Variants in RWDD4 observed in about 807,000 individuals in gnomAD.
RWDD4 encodes the protein RWD domain containing 4.
Under a neutral mutation model 30.0 loss-of-function variants are expected in RWDD4, and 16 were observed. The ratio of observed to expected loss-of-function variants is 0.53; its 90% CI spans 0.36 to 0.81. The LOEUF is 0.81. Among genes scored for constraint, RWDD4 ranks in the 30% least tolerant of loss-of-function variants. The pLI, the probability that RWDD4 is intolerant of heterozygous loss-of-function variation, is 0.00. For missense variants in RWDD4, 170 were observed against 223.9 expected (o/e 0.76, Z 1.54); for synonymous variants, 45 against 72.1 (o/e 0.62, Z 1.90).
At chr4:183,656,127 A>G (rs754134994) in intron 1 of RWDD4, 166 bp from the exon 2 acceptor site, 70 of 546,968 alleles carry the variant, frequency 1.3e-4, no homozygotes, top group Non-Finnish European at 1.9e-4. Flanking sequence ...TGACAATATT[A>G]CTACCAATGA....
intron 7 of RWDD4, among the ~76,000 whole-genome samples, chr4:183,645,416 A>G (rs1352885355): frequency 6.6e-6 from 1 of 152,148 alleles, no homozygotes; most frequent in African/African-American, 2.4e-5. Flanking sequence ...TTAAACAGAA[A>G]CAGAGCATTG....
intron 7 of RWDD4, among the ~76,000 whole-genome samples, chr4:183,642,776 T>TAA (rs1271607126): frequency 6.6e-6 from 1 of 151,814 alleles, no homozygotes; most frequent in East Asian, 2.0e-4. Flanking sequence ...GAAAATGGGT[T>TAA]GGCTGGGCGC....
intron 5 of RWDD4, 55 bp from the exon 6 acceptor site, chr4:183,646,592 ATAAT>A: frequency 6.7e-7 from 1 of 1,499,112 alleles, no homozygotes; most frequent in Non-Finnish European, 9.1e-7. Flanking sequence ...TAGTTTTATA[ATAAT>A]TAAGATTTTA....
At chr4:183,655,498 A>C (rs754085611) in intron 2 of RWDD4, among the ~76,000 whole-genome samples, 30 of 151,836 alleles carry the variant, frequency 2.0e-4, no homozygotes, top group African/African-American at 6.0e-4. Context: ...GTTGGCCAGG[A>C]TGGTCTCGAT....
In RWDD4 at chr4:183,651,047, C is replaced by T; in HGVS notation, c.300G>A (p.Leu100=). The T allele has an allele frequency of 6.2e-7, 1 of 1,613,568 alleles. No individual in the cohort carries two copies. The highest frequency in any genetic ancestry group is 8.5e-7 in the Non-Finnish European group (1 of 1,179,982). The change falls in exon 4 of 8, where the codon TTG becomes TTA. Residue 100 remains leucine (L), a synonymous_variant. Transcript: ENST00000326397. The part of the protein sequence containing the change: ...ANLGTAMTYT[L]FEYAKDNKEQ... ...CTTTATTGTCTTTGGCATATTCAAA[C>T]AATGTATAGGTCATAGCGGTTCCAA...
intron 2 of RWDD4, among the ~76,000 whole-genome samples, chr4:183,654,416 G>A (rs561019243): frequency 2.6e-5 from 4 of 152,288 alleles, no homozygotes; most frequent in Non-Finnish European, 2.9e-5. Context: ...AGACTATTCC[G>A]TGCAAGAACT....
chr4:183,643,414 T>C (rs1733903837), intron 7 of RWDD4, among the ~76,000 whole-genome samples: 2 of 13,862 alleles, frequency 1.4e-4, no homozygotes, highest in Non-Finnish European at 1.3e-4. Context: ...AGACTCTATC[T>C]CAAAAAAAAA....
At chr4:183,646,063 C>T (rs1226615386) in intron 7 of RWDD4, among the ~76,000 whole-genome samples, 1 of 152,068 alleles carries the variant, frequency 6.6e-6, no homozygotes, top group African/African-American at 2.4e-5. Flanking sequence ...GCCACCATGC[C>T]CAGCTCATTT....
At position 183,659,007 on chromosome 4, in the gene RWDD4, A is replaced by G; in HGVS notation, c.-55T>C. On this transcript the variant is annotated 5_prime_UTR_variant, in exon 1 of 8. Transcript: ENST00000326397. The stretch of plus-strand genomic sequence containing the variant: ...GACGGCGTTCGCAACAACGAAGAGA[A>G]AGCGAAGGCAGCGGCCCAGAGGCCG... The G allele has an allele frequency of 8.1e-7, 1 of 1,239,296 alleles. No homozygotes were observed. Among genetic ancestry groups the G allele is most frequent in the Non-Finnish European group, 1.0e-6 (1 of 985,736 alleles). 76.8% of individuals were successfully genotyped at this position (1,239,296 alleles called of 1,614,324 possible).
chr4:183,654,715 C>T (rs920309726), intron 2 of RWDD4, among the ~76,000 whole-genome samples: 12 of 152,184 alleles, frequency 7.9e-5, no homozygotes, highest in Admixed American at 2.0e-4. Context: ...CTTAGCTCCA[C>T]TGTTAACTTT....
intron 4 of RWDD4, among the ~76,000 whole-genome samples, chr4:183,650,335 G>A (rs1426593452): frequency 6.6e-6 from 1 of 152,110 alleles, no homozygotes; most frequent in Non-Finnish European, 1.5e-5. Context: ...GTCCTGTTGG[G>A]AATGTGAAAG....
chr4:183,645,933 C>T (rs1244442566), intron 7 of RWDD4, among the ~76,000 whole-genome samples: 1 of 152,078 alleles, frequency 6.6e-6, no homozygotes, highest in African/African-American at 2.4e-5. Flanking sequence ...GATGGAGTCT[C>T]ACTCTGTCGC....
At chr4:183,657,000 T>C (rs1734207346) in intron 1 of RWDD4, among the ~76,000 whole-genome samples, 1 of 152,130 alleles carries the variant, frequency 6.6e-6, no homozygotes, top group African/African-American at 2.4e-5. Flanking sequence ...CAATCCAGCC[T>C]GGGCTACAGA....
At chr4:183,654,806 A>T (rs892720306) in intron 2 of RWDD4, among the ~76,000 whole-genome samples, 1 of 152,124 alleles carries the variant, frequency 6.6e-6, no homozygotes, top group Non-Finnish European at 1.5e-5. Context: ...GAGAACAGAA[A>T]CTTATTTTCT....
At chr4:183,647,492 G>C (rs1733985865) in intron 5 of RWDD4, among the ~76,000 whole-genome samples, 2 of 152,154 alleles carry the variant, frequency 1.3e-5, no homozygotes, top group African/African-American at 4.8e-5. Context: ...CTTAGCCACA[G>C]TGCCGTGGCT....
In RWDD4 at chr4:183,651,243, T is replaced by A; in HGVS notation, c.190A>T (p.Met64Leu). Residue 64 changes from methionine to leucine, a missense_variant, in exon 3 of 8, where the codon ATG (methionine) becomes TTG (leucine). Physicochemically the swap from Met to Leu is conservative, Grantham distance 15 (BLOSUM62 2). Transcript: ENST00000326397. ...ATGGTGTTGTTAAAAAAAGCGTTCATAGATAGAATTGGAGGTGTTTGGGGA... is the reference window on the plus strand; with the variant it reads ...ATGGTGTTGTTAAAAAAAGCGTTCAAAGATAGAATTGGAGGTGTTTGGGGA... Reference protein sequence around the residue: ...TYPQTPPILSMNAFFNNTISS... With the variant: ...TYPQTPPILSLNAFFNNTISS... 3 of 1,613,560 alleles carry A rather than the reference T, an allele frequency of 1.9e-6. No individual in the cohort carries two copies. The highest frequency in any genetic ancestry group is 2.5e-6 in the Non-Finnish European group (3 of 1,179,888).
chr4:183,652,046 T>TC (rs1561012691), intron 2 of RWDD4, among the ~76,000 whole-genome samples: 1 of 152,228 alleles, frequency 6.6e-6, no homozygotes, highest in African/African-American at 2.4e-5. Flanking sequence ...GTGATTTTTT[T>TC]CCCCTTTGGT....
chr4:183,650,126 C>T (rs1400921537), intron 4 of RWDD4, among the ~76,000 whole-genome samples: 1 of 152,194 alleles, frequency 6.6e-6, no homozygotes, highest in East Asian at 1.9e-4. Context: ...ATTTGATCCT[C>T]AGCACAATCT....
At position 183,641,481 on chromosome 4, in the gene RWDD4, G is replaced by A; in HGVS notation, c.535-13C>T. 1 of 1,596,470 alleles carries A rather than the reference G, an allele frequency of 6.3e-7. No homozygotes were observed. Among genetic ancestry groups the A allele is most frequent in the South Asian group, 1.1e-5 (1 of 90,070 alleles). ...CAGTTTTGCTTAACTATAAAAAAAA[G>A]AGAGAAAATAGTCAACAAGTGGTAT... On this transcript the variant is annotated splice_polypyrimidine_tract_variant and intron_variant, in intron 7 of 7. Transcript: ENST00000326397.
Sources: gnomAD v4.1 joint callset for allele counts (sites outside exome capture counted in the v4.1 genomes callset) on GRCh38, gnomAD v4.1.1 for gene constraint, MANE v1.5 for transcripts, NCBI Gene and HGNC (gene_info 2026-07-23, HGNC 2026-07-21) for gene names.